MEGF11: variants seen among roughly 807,000 people sequenced by gnomAD.
The protein encoded by MEGF11 is multiple EGF like domains 11.
Under a neutral mutation model 146.6 loss-of-function variants are expected in MEGF11, and 126 were observed. That is an observed-to-expected ratio of 0.86 (90% CI 0.74 to 1.00). The LOEUF is 1.00. Among genes scored for constraint, MEGF11 ranks in the 50% least tolerant of loss-of-function variants. The probability of loss-of-function intolerance (pLI) is 0.00; values close to 1 mark genes in which losing one functional copy is unlikely to be tolerated. For missense variants in MEGF11, 1,509 were observed against 1,521.2 expected (o/e 0.99, Z 0.13); for synonymous variants, 532 against 583.4 (o/e 0.91, Z 1.27).
At chr15:66,156,150 G>T (rs1216275009) in intron 1 of MEGF11, among the ~76,000 whole-genome samples, 3 of 152,116 alleles carry the variant, frequency 2.0e-5, no homozygotes, top group African/African-American at 7.2e-5. Flanking sequence ...TGGAAGGAGG[G>T]TCAGAGGCCC....
chr15:66,188,059 T>A (rs897857126), intron 1 of MEGF11, among the ~76,000 whole-genome samples: 11 of 152,174 alleles, frequency 7.2e-5, no homozygotes, highest in African/African-American at 2.7e-4. Context: ...GCCGGAGGAC[T>A]GTCCTGTGCA....
intron 7 of MEGF11, 135 bp from the exon 8 acceptor site, chr15:65,970,824 C>T: frequency 1.0e-6 from 1 of 955,812 alleles, no homozygotes; most frequent in South Asian, 1.7e-5. Context: ...CACCAGGGCT[C>T]CAAAGCCCTC....
intron 1 of MEGF11, among the ~76,000 whole-genome samples, chr15:66,153,345 T>A (rs7176051): frequency 1.3e-5 from 2 of 151,974 alleles, no homozygotes; most frequent in African/African-American, 2.4e-5. Context: ...GAGGCCGAGG[T>A]GAGAGGATCA....
At chr15:65,936,431 T>G (rs2079791511) in intron 10 of MEGF11, among the ~76,000 whole-genome samples, 1 of 152,218 alleles carries the variant, frequency 6.6e-6, no homozygotes, top group African/African-American at 2.4e-5. Flanking sequence ...GATGTTTGTG[T>G]GTACATGCTG....
Position 66,124,960 on chromosome 15 carries a change from G to A in MEGF11, c.99-960C>T, listed in dbSNP as rs150253073. On this transcript the variant is annotated intron_variant, in intron 2 of 25. Coordinates refer to ENST00000395614, the MANE Select transcript of MEGF11 (RefSeq NM_001385028.1). ...GTATTATTCAGTGTTTTTCCCAGAAGGCTCACTGACCTGGGCCAGATGGCC... is the reference window on the plus strand; with the variant it reads ...GTATTATTCAGTGTTTTTCCCAGAAAGCTCACTGACCTGGGCCAGATGGCC... Among the ~76,000 whole-genome samples, 250 of 152,372 alleles carry A rather than the reference G, an allele frequency of 1.6e-3. 1 individual carries two copies. Among genetic ancestry groups the A allele is most frequent in the African/African-American group, 5.7e-3 (239 of 41,596 alleles).
intron 5 of MEGF11, among the ~76,000 whole-genome samples, chr15:66,077,114 T>C (rs555090028): frequency 3.3e-4 from 50 of 152,294 alleles, no homozygotes; most frequent in Non-Finnish European, 6.3e-4. Context: ...CCTTGGGCTG[T>C]TGGTGTGAGA....
At chr15:65,907,496 T>C (rs1392236988) in intron 23 of MEGF11, among the ~76,000 whole-genome samples, 1 of 152,148 alleles carries the variant, frequency 6.6e-6, no homozygotes, top group Non-Finnish European at 1.5e-5. Context: ...GGTTTTACCA[T>C]GTTGGCCAGG....
At chr15:66,202,196 G>C (rs60622811) in intron 1 of MEGF11, among the ~76,000 whole-genome samples, 2,875 of 151,940 alleles carry the variant, frequency 0.019, 102 homozygotes, top group African/African-American at 0.067. Context: ...CCTTACCTGT[G>C]CACACCCACC....
intron 1 of MEGF11, among the ~76,000 whole-genome samples, chr15:66,204,088 G>GA (rs36034475): frequency 8.2e-5 from 12 of 146,538 alleles, no homozygotes; most frequent in Admixed American, 2.7e-4. Flanking sequence ...ATTAAAGGGG[G>GA]AAAAAAAAAA....
chr15:66,083,556 T>C (rs2085982754), intron 5 of MEGF11, among the ~76,000 whole-genome samples: 5 of 152,120 alleles, frequency 3.3e-5, no homozygotes, highest in African/African-American at 4.8e-5. Context: ...CGTCATGACA[T>C]TGAATTTGGC....
intron 9 of MEGF11, among the ~76,000 whole-genome samples, chr15:65,964,042 G>A (rs535075812): frequency 6.6e-6 from 1 of 152,332 alleles, no homozygotes; most frequent in East Asian, 1.9e-4. Context: ...GAGGGAGAAG[G>A]GATGCTCCCC....
At chr15:66,250,076 T>C (rs2092350118) in intron 1 of MEGF11, among the ~76,000 whole-genome samples, 1 of 152,134 alleles carries the variant, frequency 6.6e-6, no homozygotes, top group African/African-American at 2.4e-5. Context: ...ATGCTGGAAT[T>C]TAAGAGGGAC....
At chr15:65,973,860 G>C (rs1481802725) in intron 7 of MEGF11, among the ~76,000 whole-genome samples, 2 of 152,204 alleles carry the variant, frequency 1.3e-5, no homozygotes, top group South Asian at 2.1e-4. Flanking sequence ...TAAAAGATTT[G>C]AAAGTGTTGC....
At chr15:65,994,008 G>A (rs550281327) in intron 5 of MEGF11, among the ~76,000 whole-genome samples, 2 of 152,278 alleles carry the variant, frequency 1.3e-5, no homozygotes, top group East Asian at 3.9e-4. Context: ...TGCCTGGAGC[G>A]GGGTTGGGCT....
rs546998256 is a variant in MEGF11, at chr15:66,114,639, G to A, written c.301+4447C>T. ...TCTGTCCTGAAAGAAGGAAGAAAGG[G>A]AAGCTTGGAGGGAGGGAGGAAGGCA... On this transcript the variant is annotated intron_variant, in intron 4 of 25. Coordinates refer to ENST00000395614, the MANE Select transcript of MEGF11 (RefSeq NM_001385028.1). Among the ~76,000 whole-genome samples the A allele has an allele frequency of 3.4e-4, 52 of 151,758 alleles. 1 individual carries two copies. In the South Asian group the frequency reaches 0.011, roughly 32 times the overall value.
intron 1 of MEGF11, among the ~76,000 whole-genome samples, chr15:66,133,254 T>C (rs1597113801): frequency 6.6e-6 from 1 of 152,214 alleles, no homozygotes; most frequent in Non-Finnish European, 1.5e-5. Flanking sequence ...GCATGTCTGC[T>C]CCCCACACCA....
intron 24 of MEGF11, among the ~76,000 whole-genome samples, chr15:65,903,381 T>C (rs2078541992): frequency 6.6e-6 from 1 of 152,144 alleles, no homozygotes; most frequent in South Asian, 2.1e-4. Context: ...TAGAAGGGTG[T>C]TGAGCAGTGT....
chr15:66,081,777 A>G (rs1197276402), intron 5 of MEGF11, among the ~76,000 whole-genome samples: 4 of 152,210 alleles, frequency 2.6e-5, no homozygotes, highest in African/African-American at 7.2e-5. Context: ...CCTGTATGTT[A>G]AGGCACAGGA....
At chr15:65,914,436 G>T (rs185926027) in intron 19 of MEGF11, among the ~76,000 whole-genome samples, 94 of 152,258 alleles carry the variant, frequency 6.2e-4, no homozygotes, top group African/African-American at 2.2e-3. Context: ...TCCCTGGTTT[G>T]CTCATTTGTA....
Sources: allele counts gnomAD v4.1 joint callset (sites outside exome capture counted in the v4.1 genomes callset), GRCh38; gene constraint gnomAD v4.1.1; transcripts MANE v1.5; gene names NCBI Gene and HGNC (gene_info 2026-07-23, HGNC 2026-07-21).